The following BCKDHB variants were observed in gnomAD, a reference collection of about 807,000 sequenced individuals.
BCKDHB encodes the protein branched chain keto acid dehydrogenase E1 subunit beta.
In BCKDHB, 41 loss-of-function variants were observed where a neutral mutation model predicts 48.5. The ratio of observed to expected loss-of-function variants is 0.85; its 90% CI spans 0.66 to 1.10. BCKDHB has a LOEUF of 1.10. BCKDHB is among the 50% of genes least tolerant of loss of function. BCKDHB has a pLI of 0.00. For missense variants in BCKDHB, 496 were observed against 494.2 expected, an observed-to-expected ratio of 1.00 and a Z score of -0.03; for synonymous variants, 201 against 174.8, an observed-to-expected ratio of 1.15 and a Z score of -1.18.
the BCKDHB span, among the ~76,000 whole-genome samples, chr6:80,466,486 T>C: frequency 6.6e-6 from 1 of 151,966 alleles, no homozygotes. Context: ...TCTAAGAGAG[T>C]AGATTTAAAA....
intron 6 of BCKDHB, among the ~76,000 whole-genome samples, chr6:80,195,898 A>G (rs991037249): frequency 3.3e-5 from 5 of 152,168 alleles, no homozygotes; most frequent in Non-Finnish European, 7.4e-5. Context: ...ATGAGCTAAC[A>G]TATTTTAGGA....
intron 8 of BCKDHB, among the ~76,000 whole-genome samples, chr6:80,242,641 A>G (rs1776436334): frequency 6.6e-6 from 1 of 152,278 alleles, no homozygotes; most frequent in Non-Finnish European, 1.5e-5. Flanking sequence ...GGAATGTGAC[A>G]TCATGGCAAT....
chr6:80,296,440 G>A (rs1738074235), intron 9 of BCKDHB, among the ~76,000 whole-genome samples: 1 of 151,962 alleles, frequency 6.6e-6, no homozygotes, highest in African/African-American at 2.4e-5. Flanking sequence ...CATAAGTTTG[G>A]AACACATATG....
At chr6:80,128,302 G>A (rs1369878283) in intron 2 of BCKDHB, among the ~76,000 whole-genome samples, 1 of 152,052 alleles carries the variant, frequency 6.6e-6, no homozygotes, top group Non-Finnish European at 1.5e-5. Context: ...AGGGAGAAGT[G>A]GGAGCTGGAC....
rs916880022 is a variant in BCKDHB at position 80,172,018 on chromosome 6, A to G, written c.742+628A>G. 2.0e-5 allele frequency among the ~76,000 whole-genome samples: 3 copies of G among 152,140 alleles called. 1 individual carries two copies. Among genetic ancestry groups the G allele is most frequent in the African/African-American group, 7.2e-5 (3 of 41,452 alleles). On this transcript the variant is annotated intron_variant, in intron 6 of 9. Coordinates refer to ENST00000320393, the MANE Select transcript of BCKDHB (RefSeq NM_183050.4). ...GGAAGCTTCTTCCTCACTCTTCACA[A>G]TGGATCCATTCTCCCTATGCCAAAA...
chr6:80,320,748 T>C (rs1768676008), intron 9 of BCKDHB, among the ~76,000 whole-genome samples: 1 of 152,206 alleles, frequency 6.6e-6, no homozygotes, highest in Non-Finnish European at 1.5e-5. Context: ...AATGACATTC[T>C]AATAAAAATT....
At chr6:80,301,817 C>T (rs996372642) in intron 9 of BCKDHB, among the ~76,000 whole-genome samples, 1 of 152,116 alleles carries the variant, frequency 6.6e-6, no homozygotes, top group Non-Finnish European at 1.5e-5. Flanking sequence ...AGGCTTTATT[C>T]CTGGGATACA....
chr6:80,366,566 A>G, the BCKDHB span, among the ~76,000 whole-genome samples: 1 of 152,180 alleles, frequency 6.6e-6, no homozygotes, highest in Non-Finnish European at 1.5e-5. Flanking sequence ...GATTTACATA[A>G]TATTTTCAGT....
chr6:80,324,634 G>A (rs1388987989), intron 9 of BCKDHB, among the ~76,000 whole-genome samples: 1 of 152,042 alleles, frequency 6.6e-6, no homozygotes, highest in Non-Finnish European at 1.5e-5. Flanking sequence ...CATGCATTTG[G>A]CAAAACTTCC....
chr6:80,123,058 C>T (rs1269756213), intron 1 of BCKDHB, among the ~76,000 whole-genome samples: 1 of 148,582 alleles, frequency 6.7e-6, no homozygotes, highest in East Asian at 2.1e-4. Flanking sequence ...AATATCTCTC[C>T]TACTTGCATG....
chr6:80,111,834 C>T (rs535747463), intron 1 of BCKDHB, among the ~76,000 whole-genome samples: 1 of 152,304 alleles, frequency 6.6e-6, no homozygotes, highest in East Asian at 1.9e-4. Context: ...GAAACCATCT[C>T]TAAATTTTTC....
chr6:80,367,554 A>G, the BCKDHB span, among the ~76,000 whole-genome samples: 1 of 152,238 alleles, frequency 6.6e-6, no homozygotes, highest in East Asian at 1.9e-4. Context: ...CATTTTCAGT[A>G]TAAGTGCTTG....
the BCKDHB span, among the ~76,000 whole-genome samples, chr6:80,359,148 G>A: frequency 6.6e-6 from 1 of 152,160 alleles, no homozygotes. Flanking sequence ...TGTTCCTTGC[G>A]CATCATTCTG....
the BCKDHB span, among the ~76,000 whole-genome samples, chr6:80,362,787 A>G: frequency 6.6e-6 from 1 of 152,192 alleles, no homozygotes; most frequent in South Asian, 2.1e-4. Flanking sequence ...ATTTTTTCTC[A>G]GAAAAGTGGC....
chr6:80,451,508 C>A, the BCKDHB span, among the ~76,000 whole-genome samples: 1 of 152,004 alleles, frequency 6.6e-6, no homozygotes, highest in African/African-American at 2.4e-5. Flanking sequence ...GAGGCCTAGG[C>A]GGGTGGACCA....
At chr6:80,299,650 A>C (rs993866088) in intron 9 of BCKDHB, among the ~76,000 whole-genome samples, 10 of 152,228 alleles carry the variant, frequency 6.6e-5, no homozygotes, top group Non-Finnish European at 1.0e-4. Context: ...TCTTCCTCAG[A>C]CAAGCAATTG....
In BCKDHB at chr6:80,273,168, C is replaced by A; in HGVS notation, c.985C>A (p.His329Asn). The A allele has an allele frequency of 6.2e-7, 1 of 1,613,590 alleles. No homozygotes were observed. Among genetic ancestry groups the A allele is most frequent in the South Asian group, 1.1e-5 (1 of 91,062 alleles). The part of the protein sequence containing the change: ...VIKTGRLLIS[H>N]EAPLTGGFAS... The stretch of plus-strand genomic sequence containing the variant: ...CAAAACAGGGCGACTGCTAATCAGT[C>A]ACGAGGCTCCCTTGACAGGCGGCTT... Residue 329 changes from histidine (H) to asparagine (N), a missense_variant, in exon 9 of 10, where the codon CAC becomes AAC. By Grantham distance (68) the His-to-Asn change is moderately conservative. Transcript: ENST00000320393.
At chr6:80,182,366 G>T (rs1405182842) in intron 6 of BCKDHB, among the ~76,000 whole-genome samples, 1 of 152,100 alleles carries the variant, frequency 6.6e-6, no homozygotes, top group Admixed American at 6.5e-5. Flanking sequence ...TTATGCTATG[G>T]TATATTTTTA....
At chr6:80,418,088 AG>A in the BCKDHB span, among the ~76,000 whole-genome samples, 68 of 152,144 alleles carry the variant, frequency 4.5e-4, 1 homozygote, top group African/African-American at 1.5e-3. Context: ...CTCATCTTCA[AG>A]CTCTTAGATT....
Sources: allele counts gnomAD v4.1 joint callset (sites outside exome capture counted in the v4.1 genomes callset), GRCh38; gene constraint gnomAD v4.1.1; transcripts MANE v1.5; gene names NCBI Gene and HGNC (gene_info 2026-07-23, HGNC 2026-07-21).